Variants in PTPRD observed in about 807,000 individuals in gnomAD.
PTPRD encodes the protein receptor-type tyrosine-protein phosphatase delta.
A neutral mutation model predicts 214.5 loss-of-function variants in PTPRD; 34 were observed. The ratio of observed to expected loss-of-function variants is 0.16; its 90% CI spans 0.12 to 0.21. PTPRD has a LOEUF of 0.21. Among genes scored for constraint, PTPRD ranks in the 10% least tolerant of loss-of-function variants. PTPRD has a pLI of 1.00. For synonymous variants in PTPRD, 1,128 were observed against 845.7 expected (o/e 1.33, Z -5.79); for missense variants, 2,545 against 2,398.7 (o/e 1.06, Z -1.27).
intron 3 of PTPRD, among the ~76,000 whole-genome samples, chr9:10,210,644 T>A (rs1452659738): frequency 1.3e-5 from 2 of 150,326 alleles, no homozygotes; most frequent in Non-Finnish European, 3.0e-5. Context: ...TATATATACA[T>A]ATATATACAC....
At chr9:10,351,587 G>A (rs954921282) in intron 2 of PTPRD, among the ~76,000 whole-genome samples, 1 of 151,668 alleles carries the variant, frequency 6.6e-6, no homozygotes, top group African/African-American at 2.4e-5. Flanking sequence ...GGGAAACAGA[G>A]GATCAAAAGC....
At chr9:10,042,898 T>C (rs558819037) in intron 3 of PTPRD, among the ~76,000 whole-genome samples, 10 of 152,088 alleles carry the variant, frequency 6.6e-5, no homozygotes, top group Admixed American at 1.3e-4. Flanking sequence ...TGAATGTATT[T>C]GTGAAAAAGT....
intron 10 of PTPRD, among the ~76,000 whole-genome samples, chr9:9,033,276 G>C (rs566597453): frequency 6.6e-6 from 1 of 152,226 alleles, no homozygotes; most frequent in African/African-American, 2.4e-5. Flanking sequence ...GCTGGAGAAG[G>C]CTTTGGAAAA....
chr9:10,077,739 C>A (rs962488350), intron 3 of PTPRD, among the ~76,000 whole-genome samples: 1 of 152,010 alleles, frequency 6.6e-6, no homozygotes, highest in African/African-American at 2.4e-5. Flanking sequence ...TAAGTAAGAA[C>A]CTTTGGTATT....
chr9:9,901,139 G>A (rs1421604351), intron 5 of PTPRD, among the ~76,000 whole-genome samples: 3 of 152,088 alleles, frequency 2.0e-5, no homozygotes, highest in Admixed American at 6.5e-5. Context: ...ATAACACGGC[G>A]AGACTGGAAG....
intron 5 of PTPRD, among the ~76,000 whole-genome samples, chr9:9,783,883 T>C (rs1230330949): frequency 6.7e-6 from 1 of 149,500 alleles, no homozygotes; most frequent in Non-Finnish European, 1.5e-5. Context: ...ACAGTACTTA[T>C]CAGCTCAGTG....
chr9:9,655,953 G>T (rs933461074), intron 7 of PTPRD, among the ~76,000 whole-genome samples: 1 of 152,038 alleles, frequency 6.6e-6, no homozygotes, highest in Non-Finnish European at 1.5e-5. Context: ...TCTCCAGCGG[G>T]GGCAACACAG....
At chr9:9,727,446 G>A (rs1289526901) in intron 7 of PTPRD, among the ~76,000 whole-genome samples, 1 of 152,050 alleles carries the variant, frequency 6.6e-6, no homozygotes, top group Admixed American at 6.6e-5. Context: ...GTGAGACCCT[G>A]TCTGAAAATT....
chr9:8,557,980 C>T (rs1000683181), intron 14 of PTPRD, among the ~76,000 whole-genome samples: 1 of 151,626 alleles, frequency 6.6e-6, no homozygotes. Flanking sequence ...ATTTAGAGAA[C>T]GCTTTATTAA....
At chr9:8,849,416 C>T (rs1289933053) in intron 11 of PTPRD, among the ~76,000 whole-genome samples, 2 of 152,012 alleles carry the variant, frequency 1.3e-5, no homozygotes, top group African/African-American at 4.8e-5. Flanking sequence ...TTAGTGGAGA[C>T]GGGGTTTCAC....
intron 3 of PTPRD, among the ~76,000 whole-genome samples, chr9:10,327,333 C>A (rs2096662715): frequency 6.6e-6 from 1 of 151,228 alleles, no homozygotes; most frequent in South Asian, 2.1e-4. Flanking sequence ...ATAGAAACGA[C>A]CAGATCATTT....
chr9:9,931,458 G>T (rs2086512937), intron 5 of PTPRD, among the ~76,000 whole-genome samples: 1 of 152,186 alleles, frequency 6.6e-6, no homozygotes, highest in Non-Finnish European at 1.5e-5. Flanking sequence ...TCAAAGAAAG[G>T]GGTGACAGAT....
intron 7 of PTPRD, among the ~76,000 whole-genome samples, chr9:9,602,165 C>T (rs1195537841): frequency 6.6e-6 from 1 of 151,840 alleles, no homozygotes; most frequent in Non-Finnish European, 1.5e-5. Flanking sequence ...CTTTGCTTTT[C>T]AATAATTGTG....
chr9:9,221,717 T>G (rs566939004), intron 9 of PTPRD, among the ~76,000 whole-genome samples: 1 of 152,176 alleles, frequency 6.6e-6, no homozygotes, highest in South Asian at 2.1e-4. Flanking sequence ...CATTGGGTGT[T>G]GGGGTTCTAG....
At chr9:10,110,662 C>A (rs959417053) in intron 3 of PTPRD, among the ~76,000 whole-genome samples, 5 of 152,096 alleles carry the variant, frequency 3.3e-5, no homozygotes, top group African/African-American at 1.2e-4. Context: ...CTATATCTTG[C>A]CAAAAGAAAG....
chr9:9,454,058 G>T (rs1048381632), intron 8 of PTPRD, among the ~76,000 whole-genome samples: 1 of 151,306 alleles, frequency 6.6e-6, no homozygotes, highest in African/African-American at 2.4e-5. Context: ...TTTCCTGAAA[G>T]AATTTCACGA....
chr9:9,531,227 C>T (rs1361698518), intron 8 of PTPRD, among the ~76,000 whole-genome samples: 1 of 152,068 alleles, frequency 6.6e-6, no homozygotes, highest in Non-Finnish European at 1.5e-5. Flanking sequence ...GAATGCTACT[C>T]AGCACTAAAA....
chr9:8,403,054 G>A (rs569052540), intron 36 of PTPRD, among the ~76,000 whole-genome samples: 2 of 152,262 alleles, frequency 1.3e-5, no homozygotes, highest in East Asian at 3.9e-4. Flanking sequence ...AATGCTGAAA[G>A]ATAGTTTTTC....
At chr9:8,923,476 G>C (rs537856407) in intron 11 of PTPRD, among the ~76,000 whole-genome samples, 1 of 151,876 alleles carries the variant, frequency 6.6e-6, no homozygotes, top group South Asian at 2.1e-4. Context: ...GGTCCAAACA[G>C]AAAATAACTG....
Sources: allele counts gnomAD v4.1 joint callset (sites outside exome capture counted in the v4.1 genomes callset), GRCh38; gene constraint gnomAD v4.1.1; transcripts MANE v1.5; gene names NCBI Gene and HGNC (gene_info 2026-07-23, HGNC 2026-07-21).